The following PTHLH variants were observed in gnomAD, a reference collection of about 807,000 sequenced individuals.
PTHLH encodes the protein parathyroid hormone like hormone, also known as parathyroid hormone-related protein.
Under a neutral mutation model 18.6 loss-of-function variants are expected in PTHLH, and 5 were observed. The ratio of observed to expected loss-of-function variants is 0.27; its 90% CI spans 0.14 to 0.56. PTHLH has a LOEUF of 0.56. Ranked by LOEUF, PTHLH falls within the 20% of genes least tolerant of loss-of-function variation. PTHLH has a pLI of 0.92. For missense variants in PTHLH, 207 were observed against 223.9 expected, an observed-to-expected ratio of 0.92 and a Z score of 0.48; for synonymous variants, 90 against 94.0, an observed-to-expected ratio of 0.96 and a Z score of 0.25.
intron 4 of PTHLH, 157 bp downstream of exon 4, chr12:27,969,237 C>T (rs1055887735): frequency 1.5e-6 from 1 of 681,414 alleles, no homozygotes; most frequent in African/African-American, 1.8e-5. Context: ...GTTTGAGGAC[C>T]CGGGCTCAGG....
At position 27,958,157 on chromosome 12, in the gene PTHLH, A is replaced by G. The variant is rs752288327; in HGVS notation, c.*402T>C. 1 of 155,642 alleles carries G rather than the reference A, an allele frequency of 6.4e-6. No individual in the cohort carries two copies. The highest frequency in any genetic ancestry group is 1.4e-5 in the Non-Finnish European group (1 of 70,336). The allele number at this position is 155,642 out of a possible 1,614,324, so 9.6% of individuals were successfully genotyped here. On this transcript the variant is annotated 3_prime_UTR_variant, in exon 6 of 6. Coordinates refer to ENST00000545234, the MANE Select transcript of PTHLH (RefSeq NM_198965.2). ...AAATACTGTTATTTTTACATGCACA[A>G]AGGAAAATCAATTTGGATAATTATA...
rs1433210554 is a variant in PTHLH at position 27,963,401 on chromosome 12, T to C, written c.471A>G (p.Leu157=). The change falls in exon 5 of 6, where the codon CTA becomes CTG. Residue 157 remains leucine (L), a synonymous_variant. Coordinates refer to ENST00000545234, the MANE Select transcript of PTHLH (RefSeq NM_198965.2). Reference sequence around the variant, plus strand: ...AGGTGTCAGACAGGTGGTCCCCTTCTAGCCCACTCCCAGTCACTCCAGAGT... The same window carrying C: ...AGGTGTCAGACAGGTGGTCCCCTTCCAGCCCACTCCCAGTCACTCCAGAGT... ...WLDSGVTGSG[L]EGDHLSDTST... is the part of the protein sequence containing the mutation. 6 of 1,614,202 alleles carry C rather than the reference T, an allele frequency of 3.7e-6. No homozygotes were observed. The South Asian group carries it at 6.6e-5, about 18-fold the overall frequency.
In PTHLH at chr12:27,972,570, G is replaced by T. The variant is rs1320974027; in HGVS notation, c.-406C>A. On this transcript the variant is annotated 5_prime_UTR_variant, in exon 1 of 6. Coordinates refer to ENST00000545234, the MANE Select transcript of PTHLH (RefSeq NM_198965.2). ...CTCTCTGCTCTTCTGGCTGAAAGAG[G>T]GAAATCTTCTCAGCAGTCTTTTCCA... The T allele has an allele frequency of 6.6e-6, 1 of 152,066 alleles. No individual in the cohort carries two copies. Among genetic ancestry groups the T allele is most frequent in the Non-Finnish European group, 1.5e-5 (1 of 67,992 alleles). The allele number at this position is 152,066 out of a possible 1,614,324, so 9.4% of individuals were successfully genotyped here. A position where few individuals can be genotyped will look rare whatever the true frequency, so the allele number is the denominator to read the frequency against.
At chr12:27,963,032 G>T in intron 5 of PTHLH, 1 of 1,244,156 alleles carries the variant, frequency 8.0e-7, no homozygotes, top group Non-Finnish European at 1.0e-6. Flanking sequence ...AAATTATGAA[G>T]ATGGTCACTA....
intron 1 of PTHLH, 69 bp downstream of exon 1, chr12:27,972,454 G>C (rs2062878104): frequency 6.6e-6 from 1 of 151,844 alleles, no homozygotes. Context: ...AGAAAATATA[G>C]ACACAGGAAA....
At chr12:27,966,964 AG>A (rs2062820006) in intron 4 of PTHLH, among the ~76,000 whole-genome samples, 1 of 152,256 alleles carries the variant, frequency 6.6e-6, no homozygotes, top group Non-Finnish European at 1.5e-5. Flanking sequence ...GTGTTTGAGA[AG>A]AAAAGTTCTG....
At chr12:27,962,364 T>C (rs1315631486) in intron 5 of PTHLH, 1 of 198,068 alleles carries the variant, frequency 5.0e-6, no homozygotes, top group African/African-American at 2.4e-5. Flanking sequence ...TGACAGATAT[T>C]TAGTCCACAT....
At chr12:27,964,113 T>C (rs2062786834) in intron 4 of PTHLH, among the ~76,000 whole-genome samples, 1 of 152,138 alleles carries the variant, frequency 6.6e-6, no homozygotes, top group African/African-American at 2.4e-5. Context: ...TATGATTCAG[T>C]TATGATCAGA....
At chr12:27,961,853 A>T (rs1489114948) in intron 5 of PTHLH, 1 of 627,254 alleles carries the variant, frequency 1.6e-6, no homozygotes, top group Admixed American at 3.1e-5. Context: ...TTGAAGCATC[A>T]TCCTATAATC....
chr12:27,962,512 C>T (rs2062771013), intron 5 of PTHLH: 3 of 981,118 alleles, frequency 3.1e-6, no homozygotes, highest in Non-Finnish European at 3.6e-6. Context: ...AAGACTTGGC[C>T]CTAAGTTATT....
chr12:27,962,489 T>C, intron 5 of PTHLH: 13 of 960,740 alleles, frequency 1.4e-5, no homozygotes, highest in Non-Finnish European at 1.6e-5. Flanking sequence ...TGAACTTAAA[T>C]AAATTCAGAC....
intron 1 of PTHLH, 36 bp from the exon 2 acceptor site, chr12:27,972,055 A>G (rs1412268583): frequency 6.7e-6 from 1 of 149,484 alleles, no homozygotes; most frequent in Admixed American, 6.6e-5. Flanking sequence ...AAAAAAGTCA[A>G]TCACAAATGA....
At chr12:27,967,021 T>A (rs1286347390) in intron 4 of PTHLH, among the ~76,000 whole-genome samples, 1 of 152,234 alleles carries the variant, frequency 6.6e-6, no homozygotes, top group Non-Finnish European at 1.5e-5. Flanking sequence ...TTAAGATGAC[T>A]CACCAGAAGG....
At chr12:27,969,587 C>T (rs1452783454) in intron 3 of PTHLH, 71 bp from the exon 4 acceptor site, 14 of 1,281,904 alleles carry the variant, frequency 1.1e-5, no homozygotes, top group Non-Finnish European at 1.4e-5. Context: ...TCCGCTCCCC[C>T]TTTTTAGCCC....
At chr12:27,961,191 A>T (rs2062749642) in intron 5 of PTHLH, among the ~76,000 whole-genome samples, 3 of 151,004 alleles carry the variant, frequency 2.0e-5, no homozygotes. Context: ...GTTAATTTTC[A>T]TCAATTCTCC....
At chr12:27,967,259 C>T (rs1453510457) in intron 4 of PTHLH, among the ~76,000 whole-genome samples, 1 of 152,122 alleles carries the variant, frequency 6.6e-6, no homozygotes, top group Admixed American at 6.5e-5. Context: ...TGCTCTAGCT[C>T]CATTAATTAA....
chr12:27,967,386 A>T (rs1008713000), intron 4 of PTHLH, among the ~76,000 whole-genome samples: 2 of 150,836 alleles, frequency 1.3e-5, no homozygotes, highest in African/African-American at 2.4e-5. Flanking sequence ...GCATCTAGTT[A>T]AAAAAAAAAT....
rs560861240 is a variant in PTHLH at position 27,959,258 on chromosome 12, G to A, written c.525-690C>T. Among the ~76,000 whole-genome samples the A allele has an allele frequency of 3.9e-5, 6 of 152,290 alleles. No individual in the cohort carries two copies. In the South Asian group the frequency reaches 1.2e-3, roughly 32 times the overall value. On this transcript the variant is annotated intron_variant, in intron 5 of 5. Transcript: ENST00000545234. ...AGCCAAAACTAAAACAGAATCATTT[G>A]TCTCTCACTCTGTTGGTTTTTGAAT...
chr12:27,962,421 A>T, intron 5 of PTHLH: 1 of 490,056 alleles, frequency 2.0e-6, no homozygotes, highest in Non-Finnish European at 2.7e-6. Context: ...TGGTACAATT[A>T]TATTTCACAG....
Sources: gnomAD v4.1 joint callset for allele counts (sites outside exome capture counted in the v4.1 genomes callset) on GRCh38, gnomAD v4.1.1 for gene constraint, MANE v1.5 for transcripts, NCBI Gene and HGNC (gene_info 2026-07-23, HGNC 2026-07-21) for gene names.